Variants in SPG11 observed in about 807,000 individuals in gnomAD.
SPG11 encodes spatacsin.
In SPG11, 222 loss-of-function variants were observed where a neutral mutation model predicts 274.0. The observed-to-expected ratio is 0.81, with a 90% CI of 0.73 to 0.91. SPG11 has a LOEUF of 0.91. SPG11 is among the 40% of genes least tolerant of loss of function. SPG11 has a pLI of 0.00. For synonymous variants in SPG11, 1,144 were observed against 1,039.7 expected, an observed-to-expected ratio of 1.10 and a Z score of -1.93; for missense variants, 3,114 against 2,872.7, an observed-to-expected ratio of 1.08 and a Z score of -1.92.
At chr15:44,635,570 T>G (rs1354928961) in intron 7 of SPG11, among the ~76,000 whole-genome samples, 1 of 128,150 alleles carries the variant, frequency 7.8e-6, no homozygotes, top group East Asian at 2.2e-4. Flanking sequence ...TGCGTCACTG[T>G]ACTCCAGCCT....
chr15:44,629,106 C>T (rs2083984260), intron 9 of SPG11, 127 bp downstream of exon 9: 5 of 1,141,240 alleles, frequency 4.4e-6, no homozygotes, highest in Admixed American at 3.5e-5. Context: ...CTCAACTACA[C>T]ACTGACCTTA....
intron 7 of SPG11, among the ~76,000 whole-genome samples, chr15:44,643,746 A>C (rs181454140): frequency 6.6e-6 from 1 of 152,162 alleles, no homozygotes; most frequent in Non-Finnish European, 1.5e-5. Flanking sequence ...TGAAAAGCCA[A>C]AAAAACTGAG....
intron 6 of SPG11, among the ~76,000 whole-genome samples, chr15:44,650,317 G>C (rs1216907906): frequency 6.6e-6 from 1 of 152,086 alleles, no homozygotes; most frequent in Non-Finnish European, 1.5e-5. Context: ...TCAGGAGTTT[G>C]AGACCAGCCT....
In SPG11 at chr15:44,629,387, A is replaced by G. The variant is rs907563875; in HGVS notation, c.1737T>C (p.Asn579=). 6.2e-7 allele frequency: 1 copy of G among 1,613,858 alleles called. No homozygotes were observed. Among genetic ancestry groups the G allele is most frequent in the African/African-American group, 1.3e-5 (1 of 74,940 alleles). ...DHLSSHLYLR[N]VEELIPALDL... ...CCAATGCTGGTATCAGCTCTTCCAC[A>G]TCTGAGAAAGAACCAAAGAAATTAA... Residue 579 remains asparagine (N), a splice_region_variant and synonymous_variant, in exon 9 of 40, where the codon AAT becomes AAC. Coordinates refer to ENST00000261866, the MANE Select transcript of SPG11 (RefSeq NM_025137.4).
Position 44,657,227 on chromosome 15 carries a change from C to A in SPG11, c.737G>T (p.Cys246Phe). 1 of 1,614,188 alleles carries A rather than the reference C, an allele frequency of 6.2e-7. No homozygotes were observed. The highest frequency in any genetic ancestry group is 8.5e-7 in the Non-Finnish European group (1 of 1,180,036). ...VDLALHKEDM[C>F]NEQQQEPAKI... Reference sequence around the variant, plus strand: ...GGCTGGCTCCTGTTGCTGCTCATTACACATGTCTTCTTTGTGAAGTGCTAA... The same window carrying A: ...GGCTGGCTCCTGTTGCTGCTCATTAAACATGTCTTCTTTGTGAAGTGCTAA... The change falls in exon 4 of 40, where the codon TGT (cysteine) becomes TTT (phenylalanine). Residue 246 changes from cysteine (C) to phenylalanine (F), a missense_variant. Transcript: ENST00000261866.
intron 20 of SPG11, among the ~76,000 whole-genome samples, chr15:44,605,760 TGAA>T (rs1339719921): frequency 6.6e-6 from 1 of 152,208 alleles, no homozygotes; most frequent in Non-Finnish European, 1.5e-5. Context: ...ATACTGGAAA[TGAA>T]GAATAACTTT....
intron 18 of SPG11, 61 bp downstream of exon 18, chr15:44,610,779 C>T: frequency 2.8e-6 from 4 of 1,410,186 alleles, no homozygotes; most frequent in Non-Finnish European, 3.0e-6. Context: ...CTAGACAATC[C>T]ATAGATAATT....
intron 30 of SPG11, 108 bp downstream of exon 30, chr15:44,583,706 G>T (rs2082699569): frequency 2.0e-6 from 3 of 1,465,866 alleles, no homozygotes; most frequent in Admixed American, 1.7e-5. Context: ...AAAAGTTGTT[G>T]TCCCCTTAAC....
rs1369058889 is a variant in SPG11, at chr15:44,657,238, T to G, written c.726A>C (p.Lys242Asn). 11 of 1,614,218 alleles carry G rather than the reference T, an allele frequency of 6.8e-6. No individual in the cohort carries two copies. The highest frequency in any genetic ancestry group is 1.7e-5 in the Admixed American group (1 of 60,020). The change falls in exon 4 of 40, where the codon AAA becomes AAC. Residue 242 changes from lysine (K) to asparagine (N), a missense_variant. Lys to Asn is a moderately conservative substitution (Grantham distance 94). Transcript: ENST00000261866. Reference protein sequence around the residue: ...YVAHVDLALHKEDMCNEQQQE... With the variant: ...YVAHVDLALHNEDMCNEQQQE... ...GTTGCTGCTCATTACACATGTCTTC[T>G]TTGTGAAGTGCTAAATCCACATGAG... is the stretch of plus-strand genomic sequence containing the variant.
rs564990735 is a variant in SPG11 at position 44,578,190 on chromosome 15, A to ATT, written c.5867-3151_5867-3150dup. On this transcript the variant is annotated intron_variant, in intron 30 of 39. Transcript: ENST00000261866. ...TAGGCGCCCGCCACCACGCGTGGCT[A>ATT]TTTTTTTTTTTTTTTTTGTATTTTT... Among the ~76,000 whole-genome samples the ATT allele has an allele frequency of 5.8e-3, 738 of 127,820 alleles. 24 individuals are homozygous for ATT. In the East Asian group the frequency reaches 0.087, roughly 15 times the overall value. 83.9% of individuals were successfully genotyped at this position (127,820 alleles called of 152,430 possible).
chr15:44,564,035 C>T (rs1388816888), intron 39 of SPG11, among the ~76,000 whole-genome samples: 1 of 152,098 alleles, frequency 6.6e-6, no homozygotes, highest in Non-Finnish European at 1.5e-5. Context: ...CACTCTGTTG[C>T]CAGGCTGGAG....
intron 15 of SPG11, among the ~76,000 whole-genome samples, chr15:44,618,632 A>C (rs1271223975): frequency 6.6e-6 from 1 of 151,542 alleles, no homozygotes; most frequent in Non-Finnish European, 1.5e-5. Context: ...CCTGGCTAAC[A>C]TGGTGAAACC....
chr15:44,655,839 T>C (rs958886452), intron 4 of SPG11, among the ~76,000 whole-genome samples: 2 of 152,144 alleles, frequency 1.3e-5, no homozygotes, highest in African/African-American at 4.8e-5. Flanking sequence ...GTTTAATTTA[T>C]AAATTAGGCC....
chr15:44,598,871 A>G (rs746746347), intron 21 of SPG11, 35 bp from the exon 22 acceptor site: 4 of 1,587,986 alleles, frequency 2.5e-6, no homozygotes, highest in East Asian at 2.2e-5. Context: ...ACATCAGCAC[A>G]TGAAAATTAT....
intron 12 of SPG11, 47 bp from the exon 13 acceptor site, chr15:44,622,394 ACTTTTGC>A: frequency 6.9e-7 from 1 of 1,456,712 alleles, no homozygotes; most frequent in South Asian, 1.2e-5. Flanking sequence ...AAAATCAAGC[ACTTTTGC>A]AAAAAATGTC....
At chr15:44,646,719 T>C (rs532777673) in intron 7 of SPG11, among the ~76,000 whole-genome samples, 1 of 152,266 alleles carries the variant, frequency 6.6e-6, no homozygotes, top group South Asian at 2.1e-4. Flanking sequence ...AGTGAACTAA[T>C]GCAGGAACAG....
At chr15:44,654,887 C>T (rs931388970) in intron 4 of SPG11, among the ~76,000 whole-genome samples, 1 of 152,036 alleles carries the variant, frequency 6.6e-6, no homozygotes, top group Non-Finnish European at 1.5e-5. Flanking sequence ...GTAATGTACA[C>T]ACTTACGGAC....
chr15:44,649,832 T>C (rs1255971004), intron 6 of SPG11, among the ~76,000 whole-genome samples: 1 of 151,154 alleles, frequency 6.6e-6, no homozygotes, highest in Non-Finnish European at 1.5e-5. Flanking sequence ...GAGGCGGAGG[T>C]TGCAGTGAGC....
chr15:44,585,614 A>AG, intron 29 of SPG11, 22 bp downstream of exon 29: 1 of 1,580,868 alleles, frequency 6.3e-7, no homozygotes, highest in East Asian at 2.3e-5. Context: ...AAAAAAAAAA[A>AG]AAAAAAAAAG....
Sources: allele counts gnomAD v4.1 joint callset (sites outside exome capture counted in the v4.1 genomes callset), GRCh38; gene constraint gnomAD v4.1.1; transcripts MANE v1.5; gene names NCBI Gene and HGNC (gene_info 2026-07-23, HGNC 2026-07-21).